ATF1: variants seen among roughly 807,000 people sequenced by gnomAD.
The protein encoded by ATF1 is cyclic AMP-dependent transcription factor ATF-1.
In ATF1, 16 loss-of-function variants were observed where a neutral mutation model predicts 34.7. The ratio of observed to expected loss-of-function variants is 0.46; its 90% CI spans 0.31 to 0.70. ATF1 has a LOEUF of 0.70. Among genes scored for constraint, ATF1 ranks in the 30% least tolerant of loss-of-function variants. The pLI is 0.05. For synonymous variants in ATF1, 105 were observed against 113.1 expected (o/e 0.93, Z 0.46); for missense variants, 255 against 321.6 (o/e 0.79, Z 1.58).
At chr12:50,776,765 A>G (rs1469789242) in intron 1 of ATF1, among the ~76,000 whole-genome samples, 1 of 152,160 alleles carries the variant, frequency 6.6e-6, no homozygotes, top group Non-Finnish European at 1.5e-5. Flanking sequence ...AAAAATCTTA[A>G]TTACAGAGAA....
chr12:50,787,632 C>G (rs1373638848), intron 2 of ATF1, among the ~76,000 whole-genome samples: 2 of 151,716 alleles, frequency 1.3e-5, no homozygotes, highest in Non-Finnish European at 2.9e-5. Flanking sequence ...GTCCCAGCTA[C>G]TCAGGAGGCT....
At chr12:50,802,477 A>G (rs1941531040) in intron 3 of ATF1, among the ~76,000 whole-genome samples, 1 of 152,210 alleles carries the variant, frequency 6.6e-6, no homozygotes, top group Admixed American at 6.5e-5. Flanking sequence ...GTGAGCTGAG[A>G]TTGTGCCATT....
At chr12:50,813,424 CTATT>C (rs1382222642) in intron 4 of ATF1, among the ~76,000 whole-genome samples, 5 of 152,102 alleles carry the variant, frequency 3.3e-5, no homozygotes, top group Non-Finnish European at 5.9e-5. Flanking sequence ...AGCATGTTAT[CTATT>C]CAGAAATATT....
At chr12:50,790,298 G>A (rs1941275586) in intron 2 of ATF1, among the ~76,000 whole-genome samples, 1 of 148,376 alleles carries the variant, frequency 6.7e-6, no homozygotes, top group African/African-American at 2.5e-5. Context: ...TCCACCTCCT[G>A]GGCTCAAGCA....
intron 2 of ATF1, among the ~76,000 whole-genome samples, chr12:50,783,068 T>A (rs1366084154): frequency 1.3e-5 from 2 of 152,170 alleles, no homozygotes; most frequent in African/African-American, 2.4e-5. Context: ...TCTCACTAAT[T>A]TTTTTTGAAA....
At chr12:50,786,191 A>G (rs1336128434) in intron 2 of ATF1, among the ~76,000 whole-genome samples, 1 of 152,202 alleles carries the variant, frequency 6.6e-6, no homozygotes, top group East Asian at 1.9e-4. Context: ...GGTGGTATTT[A>G]TAATTATGGG....
At chr12:50,783,119 G>C (rs1941107521) in intron 2 of ATF1, among the ~76,000 whole-genome samples, 1 of 152,108 alleles carries the variant, frequency 6.6e-6, no homozygotes, top group Non-Finnish European at 1.5e-5. Context: ...GTAATGGATT[G>C]TTATTGTATT....
intron 2 of ATF1, among the ~76,000 whole-genome samples, chr12:50,783,108 T>C (rs572731173): frequency 2.2e-4 from 34 of 152,330 alleles, no homozygotes; most frequent in Admixed American, 1.8e-3. Flanking sequence ...TATGGTAACG[T>C]GTAATGGATT....
chr12:50,808,263 C>T (rs2554862), intron 3 of ATF1, among the ~76,000 whole-genome samples: 38,674 of 151,996 alleles, frequency 0.25, 5,503 homozygotes, highest in Non-Finnish European at 0.32. Flanking sequence ...ATCATTGATA[C>T]GCTGTGCATT....
intron 3 of ATF1, among the ~76,000 whole-genome samples, chr12:50,807,395 C>T (rs527264914): frequency 4.6e-5 from 7 of 151,946 alleles, no homozygotes; most frequent in Admixed American, 4.6e-4. Flanking sequence ...CAGAGTGAGG[C>T]TCTGTCTCAA....
chr12:50,795,257 A>C lies in ATF1; in HGVS notation c.94-652A>C, dbSNP rs535972177. Reference sequence around the variant, plus strand: ...AGTATGCTGTCTTCACTAGTTTTCCATGGACAGCTCAATCATTTGGTTCTC... The same window carrying C: ...AGTATGCTGTCTTCACTAGTTTTCCCTGGACAGCTCAATCATTTGGTTCTC... On this transcript the variant is annotated intron_variant, in intron 2 of 6. Coordinates refer to ENST00000262053, the MANE Select transcript of ATF1 (RefSeq NM_005171.5). 2.6e-5 allele frequency among the ~76,000 whole-genome samples: 4 copies of C among 152,264 alleles called. No individual in the cohort carries two copies. The East Asian group carries it at 7.7e-4, about 29-fold the overall frequency.
chr12:50,784,642 T>C (rs909736287), intron 2 of ATF1, among the ~76,000 whole-genome samples: 2 of 152,122 alleles, frequency 1.3e-5, no homozygotes, highest in South Asian at 2.1e-4. Flanking sequence ...GGGGAACCTT[T>C]AGAGTGTTTT....
intron 3 of ATF1, among the ~76,000 whole-genome samples, chr12:50,799,654 G>A (rs75342437): frequency 0.015 from 2,329 of 151,984 alleles, 59 homozygotes; most frequent in African/African-American, 0.053. Flanking sequence ...ATAAACTCTC[G>A]GCCAAAAATA....
Position 50,816,632 on chromosome 12 carries a change from C to A in ATF1, c.671+2193C>A, listed in dbSNP as rs114235248. On this transcript the variant is annotated intron_variant, in intron 6 of 6. Transcript: ENST00000262053. Reference sequence around the variant, plus strand: ...TACAGGCCAGGCGTGGTGGCTCACACGTGTAATCCCAGCATTTTCGGAGGC... The same window carrying A: ...TACAGGCCAGGCGTGGTGGCTCACAAGTGTAATCCCAGCATTTTCGGAGGC... 7.9e-3 allele frequency among the ~76,000 whole-genome samples: 1,204 copies of A among 152,166 alleles called. 14 individuals carry two copies. Among genetic ancestry groups the A allele is most frequent in the African/African-American group, 0.028 (1,152 of 41,518 alleles).
intron 2 of ATF1, among the ~76,000 whole-genome samples, chr12:50,789,737 A>T (rs568110986): frequency 6.6e-6 from 1 of 152,218 alleles, no homozygotes; most frequent in African/African-American, 2.4e-5. Flanking sequence ...CCTGGTTGAC[A>T]GAGTGAGACC....
intron 2 of ATF1, among the ~76,000 whole-genome samples, chr12:50,782,002 A>T (rs1210604500): frequency 1.3e-5 from 2 of 152,128 alleles, no homozygotes; most frequent in Admixed American, 1.3e-4. Context: ...TTAACAATAC[A>T]CAAAGTTCAG....
chr12:50,796,050 T>G, intron 3 of ATF1, 41 bp downstream of exon 3: 1 of 1,481,724 alleles, frequency 6.7e-7, no homozygotes, highest in Non-Finnish European at 9.2e-7. Context: ...GTTATGATAG[T>G]ACCAAATGAG....
chr12:50,819,839 G>A lies in ATF1; in HGVS notation c.*60G>A. The A allele has an allele frequency of 7.3e-7, 1 of 1,365,966 alleles. No homozygotes were observed. Among genetic ancestry groups the A allele is most frequent in the Non-Finnish European group, 1.0e-6 (1 of 998,534 alleles). 84.6% of individuals were successfully genotyped at this position (1,365,966 alleles called of 1,614,324 possible). On this transcript the variant is annotated 3_prime_UTR_variant, in exon 7 of 7. Coordinates refer to ENST00000262053, the MANE Select transcript of ATF1 (RefSeq NM_005171.5). ...TAAAAATTAAATGGATTTCCTAGTG[G>A]AGTTTTATAAATTAAAAGGTCAAAA...
intron 2 of ATF1, among the ~76,000 whole-genome samples, chr12:50,784,374 G>A (rs918729263): frequency 1.1e-4 from 16 of 152,066 alleles, no homozygotes; most frequent in Non-Finnish European, 2.2e-4. Flanking sequence ...GTGGGGACAG[G>A]GGACTTCTCT....
Sources: gnomAD v4.1 joint callset for allele counts (sites outside exome capture counted in the v4.1 genomes callset) on GRCh38, gnomAD v4.1.1 for gene constraint, MANE v1.5 for transcripts, NCBI Gene and HGNC (gene_info 2026-07-23, HGNC 2026-07-21) for gene names.